DNAAF1: variants seen among roughly 807,000 people sequenced by gnomAD.
DNAAF1 encodes dynein assembly factor 1, axonemal.
Under a neutral mutation model 71.1 loss-of-function variants are expected in DNAAF1, and 65 were observed. That is an observed-to-expected ratio of 0.91 (90% CI 0.75 to 1.12). The LOEUF is 1.12. DNAAF1 is among the 50% of genes most tolerant of loss of function. The pLI is 0.00. For missense variants in DNAAF1, 1,178 were observed against 899.8 expected (o/e 1.31, Z -3.96); for synonymous variants, 414 against 354.6 (o/e 1.17, Z -1.88).
chr16:84,168,827 T>C (rs4782588), intron 7 of DNAAF1, among the ~76,000 whole-genome samples: 3,282 of 145,978 alleles, frequency 0.022, 105 homozygotes, highest in African/African-American at 0.078. Flanking sequence ...ATTTGCCACA[T>C]ACACACACAC....
In DNAAF1 at chr16:84,151,772, G is replaced by C. The variant is rs530755532; in HGVS notation, c.352+1430G>C. Among the ~76,000 whole-genome samples, 6 of 152,288 alleles carry C rather than the reference G, an allele frequency of 3.9e-5. No homozygotes were observed. In the South Asian group the frequency reaches 1.2e-3, roughly 32 times the overall value. ...CTCACTCATTCGATGGCTTGACGAGGGCTAGAGAATCCACTTCCAGGCTCT... is the reference window on the plus strand; with the variant it reads ...CTCACTCATTCGATGGCTTGACGAGCGCTAGAGAATCCACTTCCAGGCTCT... On this transcript the variant is annotated intron_variant, in intron 3 of 11. Transcript: ENST00000378553.
chr16:84,174,618 T>G, intron 9 of DNAAF1, 51 bp from the exon 10 acceptor site: 1 of 1,613,996 alleles, frequency 6.2e-7, no homozygotes, highest in Non-Finnish European at 8.5e-7. Flanking sequence ...TATCAGAACG[T>G]TGACAGTGCG....
chr16:84,155,610 A>G lies in DNAAF1; in HGVS notation c.602A>G (p.Gln201Arg). The G allele has an allele frequency of 6.2e-7, 1 of 1,614,200 alleles. No individual in the cohort carries two copies. Among genetic ancestry groups the G allele is most frequent in the Non-Finnish European group, 8.5e-7 (1 of 1,180,028 alleles). The change falls in exon 5 of 12, where the codon CAG (glutamine) becomes CGG (arginine). Residue 201 changes from glutamine (Q) to arginine (R), a missense_variant. By Grantham distance (43) the Gln-to-Arg change is conservative. Coordinates refer to ENST00000378553, the MANE Select transcript of DNAAF1 (RefSeq NM_178452.6). ...TGCCTCCCAGTCCTGAACACATTGC[A>G]GATGGCCCACAATCACCTGGAGACC... ...LSCLPVLNTL[Q>R]MAHNHLETVE...
chr16:84,172,974 T>A lies in DNAAF1; in HGVS notation c.1644+599T>A, dbSNP rs771473093. ...CAAATGCTTAGGCCCACAAGAATGG[T>A]ACCATGGGAATTCACACATTGTCTC... On this transcript the variant is annotated intron_variant, in intron 9 of 11. Coordinates refer to ENST00000378553, the MANE Select transcript of DNAAF1 (RefSeq NM_178452.6). 4.6e-4 allele frequency: 455 copies of A among 998,688 alleles called. 1 individual carries two copies. The highest frequency in any genetic ancestry group is 5.3e-4 in the Non-Finnish European group (441 of 837,248). The allele number at this position is 998,688 out of a possible 1,614,324, so 61.9% of individuals were successfully genotyped here. A position where few individuals can be genotyped will look rare whatever the true frequency, so the allele number is the denominator to read the frequency against.
At chr16:84,172,445 G>A (rs868206751) in intron 9 of DNAAF1, 70 bp downstream of exon 9, 1 of 1,578,944 alleles carries the variant, frequency 6.3e-7, no homozygotes. Flanking sequence ...ATCAGATGCA[G>A]ACTTTGGAGA....
intron 2 of DNAAF1, among the ~76,000 whole-genome samples, chr16:84,149,750 C>T (rs920498708): frequency 1.3e-5 from 2 of 148,700 alleles, no homozygotes; most frequent in African/African-American, 2.5e-5. Flanking sequence ...ATAAGCCAAG[C>T]GTGGTGGCCC....
chr16:84,169,689 G>T (rs2088219823), intron 7 of DNAAF1, among the ~76,000 whole-genome samples, 170 bp from the exon 8 acceptor site: 2 of 152,114 alleles, frequency 1.3e-5, no homozygotes, highest in South Asian at 4.1e-4. Context: ...CCAAAGTGCT[G>T]GGATTACAGG....
chr16:84,147,845 C>G (rs2086985852), intron 1 of DNAAF1, among the ~76,000 whole-genome samples: 1 of 152,104 alleles, frequency 6.6e-6, no homozygotes, highest in Non-Finnish European at 1.5e-5. Context: ...GCGGGTGGGT[C>G]ACCTGAGGTC....
intron 8 of DNAAF1, among the ~76,000 whole-genome samples, 176 bp from the exon 9 acceptor site, chr16:84,172,084 G>A (rs1313321176): frequency 1.3e-5 from 2 of 152,030 alleles, no homozygotes; most frequent in East Asian, 1.9e-4. Flanking sequence ...TCACTGTGTT[G>A]GCCAGGCTGG....
chr16:84,165,030 A>T (rs2087900727), intron 6 of DNAAF1, among the ~76,000 whole-genome samples: 1 of 152,162 alleles, frequency 6.6e-6, no homozygotes, highest in Non-Finnish European at 1.5e-5. Context: ...GCATCTTTTC[A>T]CAGGCTTATT....
chr16:84,169,111 G>T (rs2088185153), intron 7 of DNAAF1, among the ~76,000 whole-genome samples: 1 of 114,780 alleles, frequency 8.7e-6, no homozygotes, highest in Non-Finnish European at 1.7e-5. Flanking sequence ...TTTTTAGAGA[G>T]TCTCACTTCA....
intron 4 of DNAAF1, among the ~76,000 whole-genome samples, 177 bp from the exon 5 acceptor site, chr16:84,155,406 T>C (rs1280329704): frequency 1.3e-5 from 2 of 152,018 alleles, no homozygotes; most frequent in African/African-American, 2.4e-5. Flanking sequence ...TTTTTCTACT[T>C]TTTGTGGATA....
Position 84,172,364 on chromosome 16 carries a change from T to C in DNAAF1, c.1633T>C (p.Phe545Leu). The C allele has an allele frequency of 1.2e-6, 2 of 1,614,008 alleles. No homozygotes were observed. Among genetic ancestry groups the C allele is most frequent in the Non-Finnish European group, 1.7e-6 (2 of 1,179,850 alleles). Reference sequence around the variant, plus strand: ...CATTAGACTGGAGACAAAGGAGACATTCTGCATTGATGTACATGAAGTATT... The same window carrying C: ...CATTAGACTGGAGACAAAGGAGACACTCTGCATTGATGTACATGAAGTATT... ...ETIRLETKET[F>L]CIDDLPDLED... Residue 545 changes from phenylalanine to leucine, a missense_variant, in exon 9 of 12, where the codon TTC becomes CTC. Transcript: ENST00000378553.
chr16:84,169,662 C>T (rs551392351), intron 7 of DNAAF1, among the ~76,000 whole-genome samples, 197 bp from the exon 8 acceptor site: 1 of 152,188 alleles, frequency 6.6e-6, no homozygotes, highest in South Asian at 2.1e-4. Flanking sequence ...CTCAAGTGAT[C>T]CACCCTCCTC....
At chr16:84,167,231 A>C (rs1394442288) in intron 7 of DNAAF1, among the ~76,000 whole-genome samples, 1 of 152,210 alleles carries the variant, frequency 6.6e-6, no homozygotes, top group Non-Finnish European at 1.5e-5. Context: ...ATGAACAGCA[A>C]GATGAAGTGG....
intron 8 of DNAAF1, among the ~76,000 whole-genome samples, chr16:84,171,985 C>T (rs534999480): frequency 6.6e-6 from 1 of 151,384 alleles, no homozygotes; most frequent in African/African-American, 2.4e-5. Flanking sequence ...TCAAGCTATT[C>T]TCCTGCCTCA....
At position 84,170,041 on chromosome 16, in the gene DNAAF1, A is replaced by T; in HGVS notation, c.1213A>T (p.Arg405Ter). 1 of 1,613,712 alleles carries T rather than the reference A, an allele frequency of 6.2e-7. No individual in the cohort carries two copies. Among genetic ancestry groups the T allele is most frequent in the South Asian group, 1.1e-5 (1 of 91,060 alleles). The change falls in exon 8 of 12, where the codon AGA (arginine) becomes TGA (stop). Residue 405 changes from arginine (R) to a stop codon, truncating the protein, a stop_gained. Transcript: ENST00000378553. LOFTEE classifies it high-confidence loss of function. ...AGAGGAGCCGCCTGTGGAGGCTAAA[A>T]GAGAGGATGGAGGTCCAGAGCCAGA... ...SGEEPPVEAK[R>*]EDGGPEPEGT... is the part of the protein sequence containing the mutation.
At chr16:84,150,128 G>A in intron 2 of DNAAF1, 123 bp from the exon 3 acceptor site, 1 of 703,504 alleles carries the variant, frequency 1.4e-6, no homozygotes, top group Non-Finnish European at 2.6e-6. Flanking sequence ...ACTTAAAATA[G>A]GTATCAGGGA....
intron 10 of DNAAF1, 187 bp downstream of exon 10, chr16:84,174,909 G>A: frequency 1.4e-6 from 1 of 708,938 alleles, no homozygotes; most frequent in South Asian, 1.7e-5. Context: ...AGGCTGCAGT[G>A]CAATAGTGTG....
Sources: gnomAD v4.1 joint callset for allele counts (sites outside exome capture counted in the v4.1 genomes callset) on GRCh38, gnomAD v4.1.1 for gene constraint, MANE v1.5 for transcripts, NCBI Gene and HGNC (gene_info 2026-07-23, HGNC 2026-07-21) for gene names.